FKBP1A: variants seen among roughly 807,000 people sequenced by gnomAD.
FKBP1A encodes the protein FKBP prolyl isomerase 1A, also known as peptidyl-prolyl cis-trans isomerase FKBP1A.
A neutral mutation model predicts 14.2 loss-of-function variants in FKBP1A; 5 were observed. The ratio of observed to expected loss-of-function variants is 0.35; its 90% CI spans 0.18 to 0.74. The LOEUF (loss-of-function observed/expected upper bound fraction) is 0.74. FKBP1A is among the 30% of genes least tolerant of loss of function. The pLI is 0.56. For synonymous variants in FKBP1A, 42 were observed against 49.1 expected, an observed-to-expected ratio of 0.86 and a Z score of 0.60; for missense variants, 53 against 138.8, an observed-to-expected ratio of 0.38 and a Z score of 3.10.
rs1234061364 is a variant in FKBP1A, at chr20:1,371,960, C to T, written c.*36+116G>A. On this transcript the variant is annotated intron_variant, in intron 4 of 4. Transcript: ENST00000400137. Reference sequence around the variant, plus strand: ...AAGGATACTCAATACAGAAAGAATGCAGGGGGAAAAATAGCCTTGTGGTGT... The same window carrying T: ...AAGGATACTCAATACAGAAAGAATGTAGGGGGAAAAATAGCCTTGTGGTGT... 4.8e-6 allele frequency: 7 copies of T among 1,463,176 alleles called. No individual in the cohort carries two copies. In the Admixed American group the frequency reaches 1.9e-4, roughly 40 times the overall value. 90.6% of individuals were successfully genotyped at this position (1,463,176 alleles called of 1,614,324 possible).
rs2089674116 is a variant in FKBP1A at position 1,386,907 on chromosome 20, GGAAAA to G, written c.85+5922_85+5926del. On this transcript the variant is annotated intron_variant, in intron 2 of 4. Transcript: ENST00000400137. The surrounding 1 kb of genome is among the most constrained non-coding windows in gnomAD (Gnocchi z 4.7). ...AGAGACTTGGTTAAGCTTTTTAGCAGGAAAAGAAAACAAAAAAACAGAAGAAAAAA... is the reference window on the plus strand; with the variant it reads ...AGAGACTTGGTTAAGCTTTTTAGCAGGAAAACAAAAAAACAGAAGAAAAAA... 6.6e-6 allele frequency among the ~76,000 whole-genome samples: 1 copy of G among 152,044 alleles called. No homozygotes were observed. Among genetic ancestry groups the G allele is most frequent in the Non-Finnish European group, 1.5e-5 (1 of 68,026 alleles).
chr20:1,390,157 T>C (rs1478509578), intron 2 of FKBP1A, among the ~76,000 whole-genome samples: 1 of 152,140 alleles, frequency 6.6e-6, no homozygotes, highest in Non-Finnish European at 1.5e-5. Flanking sequence ...AGGGGAGATT[T>C]TGGCCACCTT....
intron 2 of FKBP1A, among the ~76,000 whole-genome samples, chr20:1,385,354 C>T (rs2089658999): frequency 6.6e-6 from 1 of 152,124 alleles, no homozygotes; most frequent in Non-Finnish European, 1.5e-5. Context: ...TGCACCAGGG[C>T]ACTCCAGCCT....
chr20:1,393,021 G>A lies in FKBP1A; in HGVS notation c.-23C>T, dbSNP rs903802102. ...CATGGCGGCGGCGGACGCTGAGCGG[G>A]CGGGCGGCGCGACGGGCGGCGTGGA... On this transcript the variant is annotated 5_prime_UTR_variant, in exon 1 of 5. Coordinates refer to ENST00000400137, the MANE Select transcript of FKBP1A (RefSeq NM_000801.5). The A allele has an allele frequency of 2.8e-6, 4 of 1,444,144 alleles. No individual in the cohort carries two copies. In the Admixed American group the frequency reaches 9.0e-5, roughly 33 times the overall value. The allele number at this position is 1,444,144 out of a possible 1,614,324, so 89.5% of individuals were successfully genotyped here. A position where few individuals can be genotyped will look rare whatever the true frequency, so the allele number is the denominator to read the frequency against.
At chr20:1,372,283 C>T (rs1358718684) in intron 3 of FKBP1A, 43 bp from the exon 4 acceptor site, 1 of 1,600,204 alleles carries the variant, frequency 6.2e-7, no homozygotes, top group African/African-American at 1.3e-5. Flanking sequence ...GGACACATGC[C>T]CCAACTGTCT....
rs746677329 is a variant in FKBP1A, at chr20:1,392,893, G to C, written c.38-12C>G. ...GGGGAAGGTGCGCCCTGAGGAGACA[G>C]AGACGGGCATGCTGAGCCGATGCGC... On this transcript the variant is annotated splice_polypyrimidine_tract_variant and intron_variant, in intron 1 of 4. Coordinates refer to ENST00000400137, the MANE Select transcript of FKBP1A (RefSeq NM_000801.5). 9.1e-6 allele frequency: 14 copies of C among 1,530,608 alleles called. No homozygotes were observed. The South Asian group carries it at 1.2e-4, about 13-fold the overall frequency. 94.8% of individuals were successfully genotyped at this position (1,530,608 alleles called of 1,614,324 possible). A position where few individuals can be genotyped will look rare whatever the true frequency, so the allele number is the denominator to read the frequency against.
At position 1,369,744 on chromosome 20, in the gene FKBP1A, C is replaced by A; in HGVS notation, c.*365G>T. 1 of 250,302 alleles carries A rather than the reference C, an allele frequency of 4.0e-6. No individual in the cohort carries two copies. Among genetic ancestry groups the A allele is most frequent in the Non-Finnish European group, 8.1e-6 (1 of 123,968 alleles). The allele number at this position is 250,302 out of a possible 1,614,324, so 15.5% of individuals were successfully genotyped here. A position where few individuals can be genotyped will look rare whatever the true frequency, so the allele number is the denominator to read the frequency against. On this transcript the variant is annotated 3_prime_UTR_variant, in exon 5 of 5. Transcript: ENST00000400137. ...CAAACCCCCCCCCCAACACCAATTCCTATTCTAATGTTAACCTACCACTTG... is the reference window on the plus strand; with the variant it reads ...CAAACCCCCCCCCCAACACCAATTCATATTCTAATGTTAACCTACCACTTG...
chr20:1,375,188 C>T, intron 3 of FKBP1A: 2 of 530,060 alleles, frequency 3.8e-6, no homozygotes, highest in Middle Eastern at 4.9e-4. Context: ...AGCCACCGCG[C>T]CCAGCCTACT....
At chr20:1,372,332 C>T in intron 3 of FKBP1A, 92 bp from the exon 4 acceptor site, 1 of 1,398,042 alleles carries the variant, frequency 7.2e-7, no homozygotes, top group Non-Finnish European at 1.0e-6. Flanking sequence ...TGTTCCTTGG[C>T]CAGGATGGTA....
At chr20:1,383,744 G>GC (rs1262001318) in intron 2 of FKBP1A, among the ~76,000 whole-genome samples, 1 of 208 alleles carries the variant, frequency 4.8e-3, no homozygotes, top group Non-Finnish European at 0.021. Flanking sequence ...TGGATCAAGT[G>GC]GGAGATCACT....
chr20:1,372,027 T>C (rs1322058027), intron 4 of FKBP1A, 49 bp downstream of exon 4: 3 of 1,581,862 alleles, frequency 1.9e-6, no homozygotes, highest in East Asian at 2.2e-5. Context: ...GGGCATAACA[T>C]GGGAGGAGCA....
In FKBP1A at chr20:1,369,746, A is replaced by G; in HGVS notation, c.*363T>C. On this transcript the variant is annotated 3_prime_UTR_variant, in exon 5 of 5. Coordinates refer to ENST00000400137, the MANE Select transcript of FKBP1A (RefSeq NM_000801.5). ...AACCCCCCCCCCAACACCAATTCCT[A>G]TTCTAATGTTAACCTACCACTTGTG... 4.8e-6 allele frequency: 1 copy of G among 210,518 alleles called. No homozygotes were observed. The allele number at this position is 210,518 out of a possible 1,614,324, so 13.0% of individuals were successfully genotyped here. A position where few individuals can be genotyped will look rare whatever the true frequency, so the allele number is the denominator to read the frequency against.
In FKBP1A at chr20:1,386,431, G is replaced by A. The variant is rs2089669637; in HGVS notation, c.85+6403C>T. Among the ~76,000 whole-genome samples, 1 of 152,188 alleles carries A rather than the reference G, an allele frequency of 6.6e-6. No homozygotes were observed. The highest frequency in any genetic ancestry group is 6.5e-5 in the Admixed American group (1 of 15,282). ...TAGCTACTCTATGCCAAGACTGATG[G>A]GGAGACCTTGGAGAACAACACTAGT... On this transcript the variant is annotated intron_variant, in intron 2 of 4. Transcript: ENST00000400137. This position sits in a 1 kb window ranked among gnomAD's most constrained non-coding sequence, Gnocchi z 4.7.
At chr20:1,375,427 C>T in intron 3 of FKBP1A, 64 bp downstream of exon 3, 1 of 1,172,738 alleles carries the variant, frequency 8.5e-7, no homozygotes, top group Non-Finnish European at 1.3e-6. Flanking sequence ...ATAAATATGC[C>T]ACCTATAAAA....
rs1334612290 is a variant in FKBP1A, at chr20:1,391,751, A to T, written c.85+1083T>A. Reference sequence around the variant, plus strand: ...TACCCAGGAGGAGGAAGAGGAGGAGAGGGAGTGGGAAAAAAAGAGGGAGGA... The same window carrying T: ...TACCCAGGAGGAGGAAGAGGAGGAGTGGGAGTGGGAAAAAAAGAGGGAGGA... On this transcript the variant is annotated intron_variant, in intron 2 of 4. Coordinates refer to ENST00000400137, the MANE Select transcript of FKBP1A (RefSeq NM_000801.5). 4 of 199,766 alleles carry T rather than the reference A, an allele frequency of 2.0e-5. No individual in the cohort carries two copies. The African/African-American group carries it at 3.7e-4, about 18-fold the overall frequency. 12.4% of individuals were successfully genotyped at this position (199,766 alleles called of 1,614,324 possible).
At chr20:1,373,839 C>T (rs6041774) in intron 3 of FKBP1A, among the ~76,000 whole-genome samples, 17,071 of 144,482 alleles carry the variant, frequency 0.12, 1,155 homozygotes, top group African/African-American at 0.18. Context: ...AAGAGCCAGA[C>T]AGACTAGGGA....
rs886905685 is a variant in FKBP1A at position 1,369,117 on chromosome 20, G to A, written c.*992C>T. ...AAAGGGGTGAGAAGGGGCTGAGGGA[G>A]GAAAAGCCAGGAAACTGAGATCAGC... On this transcript the variant is annotated 3_prime_UTR_variant, in exon 5 of 5. Transcript: ENST00000400137. The A allele has an allele frequency of 1.2e-5, 2 of 167,096 alleles. No homozygotes were observed. Among genetic ancestry groups the A allele is most frequent in the African/African-American group, 2.4e-5 (1 of 41,440 alleles). 10.4% of individuals were successfully genotyped at this position (167,096 alleles called of 1,614,324 possible). A position where few individuals can be genotyped will look rare whatever the true frequency, so the allele number is the denominator to read the frequency against.
At chr20:1,371,778 T>C (rs531068081) in intron 4 of FKBP1A, 5 of 1,054,284 alleles carry the variant, frequency 4.7e-6, no homozygotes, top group Non-Finnish European at 5.7e-6. Flanking sequence ...TTGGCCTACA[T>C]TTCCATAGTC....
intron 2 of FKBP1A, among the ~76,000 whole-genome samples, chr20:1,382,190 C>G (rs1209148770): frequency 6.6e-6 from 1 of 152,210 alleles, no homozygotes; most frequent in Non-Finnish European, 1.5e-5. Flanking sequence ...CCAATTTTAA[C>G]TCTGGAGATC....
Sources: gnomAD v4.1 joint callset for allele counts (sites outside exome capture counted in the v4.1 genomes callset) on GRCh38, gnomAD v4.1.1 for gene constraint, Gnocchi (gnomAD v3.1) non-coding constraint, MANE v1.5 for transcripts, NCBI Gene and HGNC (gene_info 2026-07-23, HGNC 2026-07-21) for gene names.